The following TARS3 variants were observed in gnomAD, a reference collection of about 807,000 sequenced individuals.
TARS3 encodes threonyl-tRNA synthetase 3, also known as threonine--tRNA ligase 2, cytoplasmic.
In TARS3, 94 loss-of-function variants were observed where a neutral mutation model predicts 103.5. That is an observed-to-expected ratio of 0.91 (90% CI 0.77 to 1.08). TARS3 has a LOEUF of 1.08. Among genes scored for constraint, TARS3 ranks in the 50% least tolerant of loss-of-function variants. TARS3 has a pLI of 0.00. For synonymous variants in TARS3, 416 were observed against 355.4 expected (o/e 1.17, Z -1.92); for missense variants, 952 against 995.2 (o/e 0.96, Z 0.58).
Position 101,654,454 on chromosome 15 carries a change from T to C in TARS3, c.*128A>G, listed in dbSNP as rs1897124097. 2 of 968,122 alleles carry C rather than the reference T, an allele frequency of 2.1e-6. No homozygotes were observed. The highest frequency in any genetic ancestry group is 3.0e-6 in the Non-Finnish European group (2 of 668,420). The allele number at this position is 968,122 out of a possible 1,614,324, so 60.0% of individuals were successfully genotyped here. On this transcript the variant is annotated 3_prime_UTR_variant, in exon 19 of 19. Coordinates refer to ENST00000335968, the MANE Select transcript of TARS3 (RefSeq NM_152334.3). ...TGTCAGCTACACGTTCATCGTCTCCTTTCTCAGCTGAGGCCATGAGTGGAC... is the reference window on the plus strand; with the variant it reads ...TGTCAGCTACACGTTCATCGTCTCCCTTCTCAGCTGAGGCCATGAGTGGAC...
intron 15 of TARS3, among the ~76,000 whole-genome samples, chr15:101,667,380 T>C (rs1332844611): frequency 2.0e-5 from 3 of 152,240 alleles, no homozygotes; most frequent in African/African-American, 7.2e-5. Flanking sequence ...AAGCCAGTCA[T>C]TGACTTTTCC....
chr15:101,689,376 C>T (rs1008721878), intron 10 of TARS3, among the ~76,000 whole-genome samples: 1 of 152,076 alleles, frequency 6.6e-6, no homozygotes, highest in African/African-American at 2.4e-5. Context: ...ACTGTATTCT[C>T]CAAATAAGAT....
At chr15:101,662,280 A>G (rs1445109390) in intron 15 of TARS3, among the ~76,000 whole-genome samples, 7 of 152,180 alleles carry the variant, frequency 4.6e-5, no homozygotes, top group African/African-American at 1.7e-4. Context: ...GGAAAAAAAA[A>G]TGAAAAAAGC....
At chr15:101,687,923 C>A (rs991839102) in intron 10 of TARS3, among the ~76,000 whole-genome samples, 1 of 152,070 alleles carries the variant, frequency 6.6e-6, no homozygotes, top group Non-Finnish European at 1.5e-5. Flanking sequence ...CTCACCAGAA[C>A]CCAACCATGC....
chr15:101,721,257 AT>A lies in TARS3; in HGVS notation c.434del (p.His145LeufsTer20). 1 of 1,613,908 alleles carries A rather than the reference AT, an allele frequency of 6.2e-7. No homozygotes were observed. The highest frequency in any genetic ancestry group is 1.1e-5 in the South Asian group (1 of 91,070). On this transcript the variant is annotated frameshift_variant, in exon 3 of 19. Transcript: ENST00000335968. LOFTEE classifies it high-confidence loss of function. ...LKLFEILKKD[H>X]QLLLAIYGKK... ...TTCCATAAATGGCAAGTAAGAGCTG[AT>A]GGTCTTTCTTCAGTATTTCAAAAAG...
intron 4 of TARS3, 46 bp from the exon 5 acceptor site, chr15:101,712,047 AT>A: frequency 6.4e-7 from 1 of 1,569,350 alleles, no homozygotes; most frequent in South Asian, 1.2e-5. Context: ...AAAGTATGTC[AT>A]GGAAAATTAG....
chr15:101,718,260 C>T (rs1567359881), intron 3 of TARS3, among the ~76,000 whole-genome samples: 1 of 150,920 alleles, frequency 6.6e-6, no homozygotes, highest in African/African-American at 2.4e-5. Flanking sequence ...CTCAACTACT[C>T]GGGAGGCTGA....
At chr15:101,691,929 G>T (rs571262724) in intron 10 of TARS3, among the ~76,000 whole-genome samples, 1 of 151,516 alleles carries the variant, frequency 6.6e-6, no homozygotes, top group African/African-American at 2.4e-5. Flanking sequence ...TGGTTCTCAG[G>T]CCTCTGCACT....
At chr15:101,709,425 T>C (rs530312553) in intron 5 of TARS3, among the ~76,000 whole-genome samples, 1 of 152,254 alleles carries the variant, frequency 6.6e-6, no homozygotes, top group South Asian at 2.1e-4. Context: ...ACTAGCTTCC[T>C]TGCCACTCCT....
intron 12 of TARS3, among the ~76,000 whole-genome samples, chr15:101,682,931 T>A (rs1898312036): frequency 6.6e-6 from 1 of 152,218 alleles, no homozygotes. Context: ...AAGTTATTCA[T>A]AAAACTGCCT....
At chr15:101,664,399 CTT>C (rs1277394114) in intron 15 of TARS3, 1 of 152,216 alleles carries the variant, frequency 6.6e-6, no homozygotes, top group Non-Finnish European at 1.5e-5. Context: ...AGAGATTAGA[CTT>C]TTCGGAGTCC....
intron 12 of TARS3, among the ~76,000 whole-genome samples, chr15:101,682,945 CTTT>C (rs1898312946): frequency 6.6e-6 from 1 of 152,158 alleles, no homozygotes; most frequent in African/African-American, 2.4e-5. Context: ...ACTGCCTTAT[CTTT>C]TTAACAGCTA....
rs544375856 is a variant in TARS3, at chr15:101,665,496, C to T, written c.1968-3680G>A. On this transcript the variant is annotated intron_variant, in intron 15 of 18. Coordinates refer to ENST00000335968, the MANE Select transcript of TARS3 (RefSeq NM_152334.3). ...ACTGCTACCATTTAAAATTGTACAGCGTTATCATCTCAGCGTGTAGTGGCA... is the reference window on the plus strand; with the variant it reads ...ACTGCTACCATTTAAAATTGTACAGTGTTATCATCTCAGCGTGTAGTGGCA... Among the ~76,000 whole-genome samples the T allele has an allele frequency of 1.1e-4, 16 of 152,272 alleles. No homozygotes were observed. The South Asian group carries it at 2.5e-3, about 24-fold the overall frequency.
chr15:101,698,059 G>A (rs760307344), intron 10 of TARS3, among the ~76,000 whole-genome samples: 3 of 152,174 alleles, frequency 2.0e-5, no homozygotes, highest in Admixed American at 6.5e-5. Context: ...ACCCCAGGCC[G>A]GGCGCGGTGA....
At chr15:101,687,958 G>A (rs1370498993) in intron 10 of TARS3, among the ~76,000 whole-genome samples, 1 of 152,060 alleles carries the variant, frequency 6.6e-6, no homozygotes. Flanking sequence ...TAGACTTACT[G>A]CCTCTAGAAC....
chr15:101,662,531 C>T (rs1158092256), intron 15 of TARS3, among the ~76,000 whole-genome samples: 1 of 152,118 alleles, frequency 6.6e-6, no homozygotes, highest in Non-Finnish European at 1.5e-5. Flanking sequence ...ATTCATTAAA[C>T]CTACTTCAAA....
chr15:101,671,866 T>C (rs1897820653), intron 13 of TARS3, 118 bp from the exon 14 acceptor site: 1 of 802,770 alleles, frequency 1.2e-6, no homozygotes, highest in Non-Finnish European at 2.0e-6. Context: ...CATATATTTA[T>C]TGAGCATCTT....
At chr15:101,702,455 A>T in intron 8 of TARS3, 70 bp from the exon 9 acceptor site, 1 of 1,326,330 alleles carries the variant, frequency 7.5e-7, no homozygotes, top group Non-Finnish European at 1.1e-6. Context: ...TCTTAAATAC[A>T]AATGCAATTT....
chr15:101,707,883 T>A (rs948131679), intron 6 of TARS3, among the ~76,000 whole-genome samples: 1 of 149,350 alleles, frequency 6.7e-6, no homozygotes, highest in Non-Finnish European at 1.5e-5. Flanking sequence ...AATACTGCAA[T>A]TTTTTACCAA....
Sources: gnomAD v4.1 joint callset for allele counts (sites outside exome capture counted in the v4.1 genomes callset) on GRCh38, gnomAD v4.1.1 for gene constraint, MANE v1.5 for transcripts, NCBI Gene and HGNC (gene_info 2026-07-23, HGNC 2026-07-21) for gene names.